Variants in PRDM10 observed in about 807,000 individuals in gnomAD.
PRDM10 encodes PR/SET domain 10.
A neutral mutation model predicts 133.1 loss-of-function variants in PRDM10; 65 were observed. The observed-to-expected ratio is 0.49, with a 90% CI of 0.40 to 0.60. PRDM10 has a LOEUF of 0.60. Among genes scored for constraint, PRDM10 ranks in the 20% least tolerant of loss-of-function variants. The probability of loss-of-function intolerance (pLI) is 0.00; values close to 1 mark genes in which losing one functional copy is unlikely to be tolerated. For synonymous variants in PRDM10, 582 were observed against 580.4 expected (o/e 1.00, Z -0.04); for missense variants, 1,137 against 1,507.1 (o/e 0.75, Z 4.07).
intron 1 of PRDM10, among the ~76,000 whole-genome samples, chr11:129,965,575 C>G (rs1951889827): frequency 6.6e-6 from 1 of 152,128 alleles, no homozygotes; most frequent in South Asian, 2.1e-4. Flanking sequence ...CATCTTCTGT[C>G]CTTTTCCCCC....
chr11:129,985,915 C>T (rs562850762), intron 1 of PRDM10, among the ~76,000 whole-genome samples: 22 of 146,656 alleles, frequency 1.5e-4, no homozygotes, highest in African/African-American at 5.5e-4. Flanking sequence ...CATATGTAGT[C>T]TCTGAATATT....
rs753582647 is a variant in PRDM10 at position 129,945,659 on chromosome 11, G to A, written c.521-647C>T. On this transcript the variant is annotated intron_variant, in intron 5 of 20. Coordinates refer to ENST00000360871, the MANE Select transcript of PRDM10 (RefSeq NM_199437.2). This position sits in a 1 kb window ranked among gnomAD's most constrained non-coding sequence, Gnocchi z 4.2. ...AAGAGCACTCGGTTTGCACCAGTCCGGCCACACGCCCTGCCTCTTTGCCAG... is the reference window on the plus strand; with the variant it reads ...AAGAGCACTCGGTTTGCACCAGTCCAGCCACACGCCCTGCCTCTTTGCCAG... Among the ~76,000 whole-genome samples the A allele has an allele frequency of 1.3e-5, 2 of 152,036 alleles. No homozygotes were observed. The highest frequency in any genetic ancestry group is 4.8e-5 in the African/African-American group (2 of 41,378).
chr11:130,002,175 G>T (rs1461094123), intron 1 of PRDM10, among the ~76,000 whole-genome samples: 1 of 148,318 alleles, frequency 6.7e-6, no homozygotes, highest in African/African-American at 2.4e-5. Context: ...CTCGGCTCCC[G>T]GCCGGCGGAG....
In PRDM10 at chr11:129,918,587, C is replaced by A; in HGVS notation, c.2166G>T (p.Thr722=). 1 of 1,614,172 alleles carries A rather than the reference C, an allele frequency of 6.2e-7. No individual in the cohort carries two copies. Among genetic ancestry groups the A allele is most frequent in the Non-Finnish European group, 8.5e-7 (1 of 1,180,016 alleles). Residue 722 remains threonine, a synonymous_variant, in exon 14 of 21, where the codon ACG becomes ACT. Transcript: ENST00000360871. The surrounding 1 kb of genome is among the most constrained non-coding windows in gnomAD (Gnocchi z 5.3). ...RITSTDYDSF[T]FKCRLCMMGF... Reference sequence around the variant, plus strand: ...CCATCATGCACAGGCGGCACTTGAACGTGAAGCTGTCGTAGTCTGTGGACG... The same window carrying A: ...CCATCATGCACAGGCGGCACTTGAAAGTGAAGCTGTCGTAGTCTGTGGACG...
rs913522681 is a variant in PRDM10, at chr11:129,905,564, A to G, written c.3267+74T>C. On this transcript the variant is annotated intron_variant, in intron 20 of 20. Coordinates refer to ENST00000360871, the MANE Select transcript of PRDM10 (RefSeq NM_199437.2). ...AACAGAGTAAGCCAATCATTACGAG[A>G]TAAGTGGTGATAAGAGTTACTATAC... 3 of 1,076,052 alleles carry G rather than the reference A, an allele frequency of 2.8e-6. No homozygotes were observed. The African/African-American group carries it at 4.7e-5, about 17-fold the overall frequency. The allele number at this position is 1,076,052 out of a possible 1,614,324, so 66.7% of individuals were successfully genotyped here. A position where few individuals can be genotyped will look rare whatever the true frequency, so the allele number is the denominator to read the frequency against.
At chr11:129,925,262 G>C (rs780377212) in intron 11 of PRDM10, 33 bp from the exon 12 acceptor site, 26 of 1,552,744 alleles carry the variant, frequency 1.7e-5, no homozygotes, top group Non-Finnish European at 1.2e-5. Context: ...ATCATTTAGT[G>C]ATGAAATTAA....
Position 129,924,942 on chromosome 11 carries a change from A to G in PRDM10, c.1818T>C (p.His606=), listed in dbSNP as rs747942892. ...LDLLKDHVAI[H]INDGYFTCPT... is the part of the protein sequence containing the mutation. ...GGCAGGTGAAGTAGCCATCATTGATATGAATGGCCACATGATCTTTCAACA... is the reference window on the plus strand; with the variant it reads ...GGCAGGTGAAGTAGCCATCATTGATGTGAATGGCCACATGATCTTTCAACA... Residue 606 remains histidine (H), a synonymous_variant, in exon 12 of 21, where the codon CAT becomes CAC. Coordinates refer to ENST00000360871, the MANE Select transcript of PRDM10 (RefSeq NM_199437.2). The G allele has an allele frequency of 6.2e-7, 1 of 1,614,160 alleles. No individual in the cohort carries two copies. The highest frequency in any genetic ancestry group is 8.5e-7 in the Non-Finnish European group (1 of 1,180,010).
chr11:129,995,653 G>A lies in PRDM10; in HGVS notation c.-119+7069C>T, dbSNP rs369741930. 1.1e-3 allele frequency among the ~76,000 whole-genome samples: 171 copies of A among 152,152 alleles called. 5 individuals carry two copies. The South Asian group carries it at 0.034, about 30-fold the overall frequency. On this transcript the variant is annotated intron_variant, in intron 1 of 20. Coordinates refer to ENST00000360871, the MANE Select transcript of PRDM10 (RefSeq NM_199437.2). ...AAAATAAGAATCTTGAAAAAAAAAG[G>A]CGGGGGAGAGGGGCAGGGGCCGTAG...
intron 1 of PRDM10, among the ~76,000 whole-genome samples, chr11:129,962,985 C>T (rs1426177971): frequency 6.6e-6 from 1 of 151,884 alleles, no homozygotes; most frequent in Non-Finnish European, 1.5e-5. Flanking sequence ...CCCATCTCTA[C>T]AAAAAATACA....
chr11:129,957,451 G>A (rs935933185), intron 3 of PRDM10, among the ~76,000 whole-genome samples: 7 of 152,142 alleles, frequency 4.6e-5, no homozygotes, highest in African/African-American at 1.7e-4. Context: ...CCACGTAGCT[G>A]GGATTACAGG....
intron 1 of PRDM10, among the ~76,000 whole-genome samples, chr11:129,987,103 C>A (rs1407731560): frequency 6.6e-6 from 1 of 152,174 alleles, no homozygotes; most frequent in African/African-American, 2.4e-5. Context: ...AGATTATAAA[C>A]TCTCCACTAA....
At chr11:129,937,511 C>CAAA in intron 8 of PRDM10, 87 bp downstream of exon 8, 1 of 1,097,148 alleles carries the variant, frequency 9.1e-7, no homozygotes, top group Non-Finnish European at 1.2e-6. Flanking sequence ...TATACTGAGA[C>CAAA]AAAAAAAAAA....
chr11:129,940,543 T>G (rs540523729), intron 7 of PRDM10, among the ~76,000 whole-genome samples: 1 of 152,226 alleles, frequency 6.6e-6, no homozygotes, highest in Non-Finnish European at 1.5e-5. Flanking sequence ...GTTTTAAAAA[T>G]TATTAATGTT....
At chr11:129,950,712 C>T (rs1951560436) in intron 4 of PRDM10, among the ~76,000 whole-genome samples, 1 of 152,180 alleles carries the variant, frequency 6.6e-6, no homozygotes, top group Admixed American at 6.5e-5. Context: ...TAAATGTTAT[C>T]ACATACTGAA....
At chr11:129,966,202 T>C (rs7952264) in intron 1 of PRDM10, among the ~76,000 whole-genome samples, 2,296 of 151,844 alleles carry the variant, frequency 0.015, 56 homozygotes, top group African/African-American at 0.047. Flanking sequence ...CAAGATCGAG[T>C]CACTGCACTC....
At chr11:129,944,280 T>A (rs1168987960) in intron 6 of PRDM10, among the ~76,000 whole-genome samples, 1 of 152,050 alleles carries the variant, frequency 6.6e-6, no homozygotes, top group East Asian at 1.9e-4. Flanking sequence ...GAATAATTCA[T>A]ATAACGCCTT....
At chr11:130,002,392 G>A (rs1939467730) in intron 1 of PRDM10, among the ~76,000 whole-genome samples, 3 of 152,104 alleles carry the variant, frequency 2.0e-5, no homozygotes, top group Admixed American at 2.0e-4. Flanking sequence ...CGCTGAACGC[G>A]GCGCCAGGAG....
intron 1 of PRDM10, among the ~76,000 whole-genome samples, chr11:129,972,357 G>A (rs983604920): frequency 1.3e-5 from 2 of 152,242 alleles, no homozygotes; most frequent in African/African-American, 4.8e-5. Flanking sequence ...CGAGGGCTCT[G>A]GGGACTGCCA....
chr11:129,912,119 C>T lies in PRDM10; in HGVS notation c.2948G>A (p.Ser983Asn), dbSNP rs776305964. ...HAIQVQHIQV[S>N]EPTASAPSSA... The stretch of plus-strand genomic sequence containing the variant: ...GGACGGGGCCGAGGCGGTAGGCTCG[C>T]TGACCTGGATGTGCTGCACCTGGAT... Residue 983 changes from serine (S) to asparagine (N), a missense_variant, in exon 18 of 21, where the codon AGC (serine) becomes AAC (asparagine). This residue lies in a region of PRDM10 where 243 missense variants were observed against 259.2 expected (regional missense o/e 0.94). Coordinates refer to ENST00000360871, the MANE Select transcript of PRDM10 (RefSeq NM_199437.2). 6.2e-7 allele frequency: 1 copy of T among 1,612,770 alleles called. No individual in the cohort carries two copies. The highest frequency in any genetic ancestry group is 2.2e-5 in the East Asian group (1 of 44,752).
Sources: allele counts gnomAD v4.1 joint callset (sites outside exome capture counted in the v4.1 genomes callset), GRCh38; gene constraint gnomAD v4.1.1; regional missense constraint gnomAD v4.1.1; non-coding constraint Gnocchi (gnomAD v3.1); transcripts MANE v1.5; gene names NCBI Gene and HGNC (gene_info 2026-07-23, HGNC 2026-07-21).